Variants in MOB2 observed in about 807,000 individuals in gnomAD.
MOB2 encodes MOB kinase activator 2.
A neutral mutation model predicts 27.4 loss-of-function variants in MOB2; 14 were observed. The observed-to-expected ratio is 0.51, with a 90% confidence interval of 0.34 to 0.80. MOB2 has a LOEUF of 0.80. Ranked by LOEUF, MOB2 falls within the 30% of genes least tolerant of loss-of-function variation. The pLI is 0.01. For synonymous variants in MOB2, 167 were observed against 151.8 expected (o/e 1.10, Z -0.74); for missense variants, 304 against 354.6 (o/e 0.86, Z 1.15).
At chr11:1,484,698 G>A (rs1432285124) in intron 1 of MOB2, among the ~76,000 whole-genome samples, 3 of 152,196 alleles carry the variant, frequency 2.0e-5, no homozygotes, top group South Asian at 2.1e-4. Flanking sequence ...TTGAGGGGGG[G>A]CCTGAAAACT....
At chr11:1,479,934 A>G (rs976073244) in intron 3 of MOB2, among the ~76,000 whole-genome samples, 5 of 152,210 alleles carry the variant, frequency 3.3e-5, no homozygotes, top group African/African-American at 7.2e-5. Context: ...ATCAGGGTGC[A>G]GTGCTTCCAG....
At position 1,486,365 on chromosome 11, in the gene MOB2, CCCTGACCTCCTT is replaced by C. The variant is rs1335296645; in HGVS notation, c.110+70_110+81del. ...ACGGACACAGTCCGCCGCCTCCCCA[CCCTGACCTCCTT>C]CCTGGGGGCAAGAACAGGGCAGACA... On this transcript the variant is annotated intron_variant, in intron 1 of 4. Coordinates refer to ENST00000329957, the MANE Select transcript of MOB2 (RefSeq NM_001172223.3). The C allele has an allele frequency of 2.6e-6, 3 of 1,133,426 alleles. No individual in the cohort carries two copies. In the African/African-American group the frequency reaches 4.6e-5, roughly 17 times the overall value. 70.2% of individuals were successfully genotyped at this position (1,133,426 alleles called of 1,614,324 possible).
At position 1,469,969 on chromosome 11, in the gene MOB2, G is replaced by A. The variant is rs187099200; in HGVS notation, c.*203C>T. On this transcript the variant is annotated 3_prime_UTR_variant, in exon 5 of 5. Transcript: ENST00000329957. ...GGCCCAAAGGCTCTTCTCTACAAAC[G>A]GCACGCATCCATCCGACAGGGGGCC... 1.0e-4 allele frequency: 130 copies of A among 1,294,154 alleles called. No homozygotes were observed. The highest frequency in any genetic ancestry group is 1.8e-4 in the South Asian group (14 of 78,528). The allele number at this position is 1,294,154 out of a possible 1,614,324, so 80.2% of individuals were successfully genotyped here.
At position 1,486,529 on chromosome 11, in the gene MOB2, C is replaced by T; in HGVS notation, c.28G>A (p.Glu10Lys). The T allele has an allele frequency of 3.3e-6, 5 of 1,535,762 alleles. No homozygotes were observed. The highest frequency in any genetic ancestry group is 3.9e-5 in the Admixed American group (2 of 51,002). ...GACTGGCCGGGCCGGGCTTGGTCTT[C>T]AGGGAGACTGCAGTGGTCTCCCAGC... MLGDHCSLP[E>K]DQARPGQSLQ... The change falls in exon 1 of 5, where the codon GAA (glutamate) becomes AAA (lysine). Residue 10 changes from glutamate (E) to lysine (K), a missense_variant. Glu to Lys is a moderately conservative substitution (Grantham distance 56, BLOSUM62 1). Coordinates refer to ENST00000329957, the MANE Select transcript of MOB2 (RefSeq NM_001172223.3).
chr11:1,473,814 G>A lies in MOB2; in HGVS notation c.366-2395C>T, dbSNP rs567733268. 3.3e-5 allele frequency among the ~76,000 whole-genome samples: 5 copies of A among 152,340 alleles called. No individual in the cohort carries two copies. In the East Asian group the frequency reaches 5.8e-4, roughly 18 times the overall value. On this transcript the variant is annotated intron_variant, in intron 3 of 4. Transcript: ENST00000329957. ...CATAACCACAATCAGGACACGCGGC[G>A]GCTTACGTGGCCCCTCACACCCGTG...
Position 1,471,258 on chromosome 11 carries a change from CTG to C in MOB2, c.490+35_490+36del, listed in dbSNP as rs751691275. The C allele has an allele frequency of 9.4e-6, 15 of 1,593,348 alleles. No homozygotes were observed. In the African/African-American group the frequency reaches 1.7e-4, roughly 18 times the overall value. On this transcript the variant is annotated intron_variant, in intron 4 of 4. Coordinates refer to ENST00000329957, the MANE Select transcript of MOB2 (RefSeq NM_001172223.3). ...CACGTCCTGAATGCTCCCTGCCCCA[CTG>C]TGAGGATGACCGCCCAGTGCTGGGG...
intron 3 of MOB2, among the ~76,000 whole-genome samples, chr11:1,480,043 C>A (rs1244624052): frequency 6.6e-6 from 1 of 152,252 alleles, no homozygotes; most frequent in Non-Finnish European, 1.5e-5. Context: ...GCCTGCCCAG[C>A]CCAGCCCTCA....
At chr11:1,485,183 A>C (rs954073839) in intron 1 of MOB2, among the ~76,000 whole-genome samples, 9 of 152,190 alleles carry the variant, frequency 5.9e-5, no homozygotes. Flanking sequence ...AGCCCCAGGG[A>C]AGGGACTCCG....
At chr11:1,471,024 C>T (rs1047301436) in intron 4 of MOB2, among the ~76,000 whole-genome samples, 4 of 152,218 alleles carry the variant, frequency 2.6e-5, no homozygotes, top group Non-Finnish European at 4.4e-5. Context: ...GCAGCATGAG[C>T]GGCAGAAACC....
intron 1 of MOB2, 24 bp from the exon 2 acceptor site, chr11:1,480,909 T>A (rs1262809328): frequency 1.3e-6 from 2 of 1,550,434 alleles, no homozygotes; most frequent in Non-Finnish European, 1.7e-6. Flanking sequence ...AGACGCGGTG[T>A]GGTCACTACA....
rs144728264 is a variant in MOB2, at chr11:1,480,479, C to T, written c.279G>A (p.Thr93=). 1.1e-3 allele frequency: 1,776 copies of T among 1,613,764 alleles called. 17 individuals carry two copies. The African/African-American group carries it at 0.021, about 19-fold the overall frequency. Residue 93 remains threonine, a synonymous_variant, in exon 3 of 5, where the codon ACG becomes ACA. Coordinates refer to ENST00000329957, the MANE Select transcript of MOB2 (RefSeq NM_001172223.3). ...LNEWLASNTT[T]FFHHINLQYS... is the part of the protein sequence containing the mutation. ...ACTGCAGGTTGATGTGGTGGAAAAA[C>T]GTCGTGGCTGGAAGAGAAGAGAAGG... is the stretch of plus-strand genomic sequence containing the variant.
In MOB2 at chr11:1,479,586, C is replaced by T. The variant is rs186638854; in HGVS notation, c.365+807G>A. On this transcript the variant is annotated intron_variant, in intron 3 of 4. Coordinates refer to ENST00000329957, the MANE Select transcript of MOB2 (RefSeq NM_001172223.3). ...TGCCAGCTGCCTGTGCAGAAGCTCC[C>T]CTTGGCTTCTTGAAGGCAGAACTCA... 1.6e-4 allele frequency among the ~76,000 whole-genome samples: 24 copies of T among 152,388 alleles called. 1 individual carries two copies. The East Asian group carries it at 4.1e-3, about 26-fold the overall frequency.
Position 1,470,138 on chromosome 11 carries a change from T to A in MOB2, c.*34A>T, listed in dbSNP as rs1286327128. The A allele has an allele frequency of 6.4e-7, 1 of 1,561,360 alleles. No homozygotes were observed. Among genetic ancestry groups the A allele is most frequent in the South Asian group, 1.2e-5 (1 of 85,758 alleles). ...GGAGAGAACACACACCACCGTCTCT[T>A]TGCACACGTGTGCCCCTGTCCGGCC... On this transcript the variant is annotated 3_prime_UTR_variant, in exon 5 of 5. Transcript: ENST00000329957.
intron 3 of MOB2, among the ~76,000 whole-genome samples, chr11:1,478,780 G>A (rs1370792406): frequency 6.6e-6 from 1 of 152,138 alleles, no homozygotes; most frequent in East Asian, 1.9e-4. Context: ...GTCTCCCTAG[G>A]AGTCAGACAT....
intron 1 of MOB2, chr11:1,481,160 A>G (rs776816207): frequency 1.7e-6 from 1 of 574,396 alleles, no homozygotes; most frequent in South Asian, 1.7e-5. Flanking sequence ...GGGCATCCTC[A>G]CCCCTCACCA....
intron 2 of MOB2, 78 bp from the exon 3 acceptor site, chr11:1,480,564 G>A: frequency 6.4e-7 from 1 of 1,555,768 alleles, no homozygotes; most frequent in Non-Finnish European, 8.8e-7. Context: ...TCCAGCAACA[G>A]GTGCAGGAGC....
At position 1,481,727 on chromosome 11, in the gene MOB2, C is replaced by CAGGGAGGGGCAGGG. The variant is rs779031116; in HGVS notation, c.111-843_111-842insCCCTGCCCCTCCCT. 120 of 40,686 alleles carry CAGGGAGGGGCAGGG rather than the reference C, an allele frequency of 2.9e-3. 2 individuals are homozygous for CAGGGAGGGGCAGGG. The highest frequency in any genetic ancestry group is 0.011 in the African/African-American group (117 of 10,388). 2.5% of individuals were successfully genotyped at this position (40,686 alleles called of 1,614,324 possible). ...GCAGGGGCAGGAGCAGGGGCAGGGG[C>CAGGGAGGGGCAGGG]AGGGGCAGGGGCAGGGAGGGGCAGG... On this transcript the variant is annotated intron_variant, in intron 1 of 4. Coordinates refer to ENST00000329957, the MANE Select transcript of MOB2 (RefSeq NM_001172223.3).
intron 3 of MOB2, among the ~76,000 whole-genome samples, chr11:1,477,575 C>T (rs1294762358): frequency 6.6e-6 from 1 of 152,164 alleles, no homozygotes; most frequent in African/African-American, 2.4e-5. Flanking sequence ...GTCGCCCTGC[C>T]TTCCTTCCAG....
rs1847760580 is a variant in MOB2 at position 1,469,980 on chromosome 11, A to G, written c.*192T>C. The stretch of plus-strand genomic sequence containing the variant: ...TCTTCTCTACAAACGGCACGCATCC[A>G]TCCGACAGGGGGCCACAGGACACGG... On this transcript the variant is annotated 3_prime_UTR_variant, in exon 5 of 5. Transcript: ENST00000329957. 2.8e-6 allele frequency: 4 copies of G among 1,427,446 alleles called. 1 individual carries two copies. The highest frequency in any genetic ancestry group is 4.9e-5 in the East Asian group (2 of 40,420). 88.4% of individuals were successfully genotyped at this position (1,427,446 alleles called of 1,614,324 possible).
Sources: gnomAD v4.1 joint callset for allele counts (sites outside exome capture counted in the v4.1 genomes callset) on GRCh38, gnomAD v4.1.1 for gene constraint, MANE v1.5 for transcripts, NCBI Gene and HGNC (gene_info 2026-07-23, HGNC 2026-07-21) for gene names.